Variants in FAT1 observed in about 807,000 individuals in gnomAD.
The protein encoded by FAT1 is protocadherin Fat 1.
In FAT1, 171 loss-of-function variants were observed where a neutral mutation model predicts 329.8. The observed-to-expected ratio is 0.52, with a 90% CI of 0.46 to 0.59. The LOEUF (loss-of-function observed/expected upper bound fraction) is 0.59. Ranked by LOEUF, FAT1 falls within the 20% of genes least tolerant of loss-of-function variation. FAT1 has a pLI of 0.00. For synonymous variants in FAT1, 2,233 were observed against 2,228.6 expected, an observed-to-expected ratio of 1.00 and a Z score of -0.06; for missense variants, 5,672 against 5,774.4, an observed-to-expected ratio of 0.98 and a Z score of 0.57.
At chr4:186,702,092 C>A (rs937494171) in intron 2 of FAT1, among the ~76,000 whole-genome samples, 2 of 151,944 alleles carry the variant, frequency 1.3e-5, no homozygotes, top group Non-Finnish European at 1.5e-5. Context: ...ACAGGTGACA[C>A]AGACATGAGG....
chr4:186,720,306 G>A lies in FAT1; in HGVS notation c.-19+3358C>T, dbSNP rs143180847. Among the ~76,000 whole-genome samples the A allele has an allele frequency of 9.3e-3, 1,416 of 151,852 alleles. 30 individuals carry two copies. Among genetic ancestry groups the A allele is most frequent in the African/African-American group, 0.032 (1,324 of 41,410 alleles). ...TTCTTTTTCTCTCTCCTTAACCTCT[G>A]CCTCATAAAAACAATCCTCCCTTTT... On this transcript the variant is annotated intron_variant, in intron 1 of 26. Transcript: ENST00000441802.
chr4:186,696,616 A>G (rs1744054228), intron 2 of FAT1, among the ~76,000 whole-genome samples: 1 of 152,236 alleles, frequency 6.6e-6, no homozygotes, highest in Non-Finnish European at 1.5e-5. Flanking sequence ...AAATTAATAG[A>G]AAGCTAAAAG....
intron 18 of FAT1, 105 bp downstream of exon 18, chr4:186,604,272 T>C (rs1738982892): frequency 3.1e-6 from 3 of 967,772 alleles, no homozygotes; most frequent in South Asian, 3.4e-5. Context: ...CTATGAAAGT[T>C]TGTTTTTGTA....
chr4:186,639,670 T>C lies in FAT1; in HGVS notation c.3642+52A>G, dbSNP rs569221016. ...ATGGGAACAAGATTGTTCTTTCCCA[T>C]GATACTTGTAACTACGAATCTTTAA... is the stretch of plus-strand genomic sequence containing the variant. On this transcript the variant is annotated intron_variant, in intron 4 of 26. Transcript: ENST00000441802. The C allele has an allele frequency of 3.1e-5, 38 of 1,215,596 alleles. No homozygotes were observed. In the African/African-American group the frequency reaches 3.8e-4, roughly 12 times the overall value. 75.3% of individuals were successfully genotyped at this position (1,215,596 alleles called of 1,614,324 possible). A position where few individuals can be genotyped will look rare whatever the true frequency, so the allele number is the denominator to read the frequency against.
intron 2 of FAT1, among the ~76,000 whole-genome samples, chr4:186,667,541 T>C (rs2375889): frequency 0.2 from 31,156 of 152,128 alleles, 3,779 homozygotes; most frequent in East Asian, 0.57. Context: ...TTTTAATTAT[T>C]ACCTCTTTGT....
chr4:186,692,105 A>C (rs1001845662), intron 2 of FAT1, among the ~76,000 whole-genome samples: 2 of 152,178 alleles, frequency 1.3e-5, no homozygotes, highest in African/African-American at 4.8e-5. Context: ...ATCCACTCCC[A>C]AAATTTCCAA....
At chr4:186,694,917 G>C (rs188013648) in intron 2 of FAT1, among the ~76,000 whole-genome samples, 6 of 152,284 alleles carry the variant, frequency 3.9e-5, no homozygotes, top group Admixed American at 3.9e-4. Flanking sequence ...AGCCAAGATC[G>C]TGCCACTGCA....
Position 186,707,857 on chromosome 4 carries a change from T to C in FAT1, c.1971A>G (p.Leu657=). The change falls in exon 2 of 27, where the codon TTA becomes TTG. Residue 657 remains leucine, a synonymous_variant. Transcript: ENST00000441802. ...ATDGENFATP[L]YINITVAASH... is the part of the protein sequence containing the mutation. Reference sequence around the variant, plus strand: ...TGGCAGCCACTGTTATGTTGATATATAATGGTGTGGCAAAATTTTCTCCAT... The same window carrying C: ...TGGCAGCCACTGTTATGTTGATATACAATGGTGTGGCAAAATTTTCTCCAT... The C allele has an allele frequency of 6.2e-7, 1 of 1,613,908 alleles. No individual in the cohort carries two copies. Among genetic ancestry groups the C allele is most frequent in the Non-Finnish European group, 8.5e-7 (1 of 1,179,902 alleles).
chr4:186,619,341 A>G lies in FAT1; in HGVS notation c.7245T>C (p.Tyr2415=). Residue 2415 remains tyrosine, a synonymous_variant, in exon 10 of 27, where the codon TAT becomes TAC. Transcript: ENST00000441802. ...TGTCTATGTCTGAACTGTCTGCATCATAGGCTTTTACACAGGTCACGAAAT... is the reference window on the plus strand; with the variant it reads ...TGTCTATGTCTGAACTGTCTGCATCGTAGGCTTTTACACAGGTCACGAAAT... ...HGHFVTCVKA[Y]DADSSDIDKL... is the part of the protein sequence containing the mutation. 4 of 1,614,066 alleles carry G rather than the reference A, an allele frequency of 2.5e-6. No individual in the cohort carries two copies. Among genetic ancestry groups the G allele is most frequent in the Non-Finnish European group, 3.4e-6 (4 of 1,179,900 alleles).
chr4:186,710,149 T>C (rs1744887522), intron 1 of FAT1, among the ~76,000 whole-genome samples: 1 of 152,200 alleles, frequency 6.6e-6, no homozygotes, highest in African/African-American at 2.4e-5. Flanking sequence ...CTGTAACAAC[T>C]AAGTTATATT....
Position 186,663,363 on chromosome 4 carries a change from G to T in FAT1, c.3516C>A (p.Asp1172Glu). The T allele has an allele frequency of 4.3e-6, 7 of 1,613,980 alleles. No homozygotes were observed. Among genetic ancestry groups the T allele is most frequent in the Non-Finnish European group, 5.9e-6 (7 of 1,179,886 alleles). The change falls in exon 3 of 27, where the codon GAC becomes GAA. Residue 1172 changes from aspartate to glutamate, a missense_variant. This residue lies in a region of FAT1 where 3,966 missense variants were observed against 3,915.2 expected (regional missense o/e 1.01). Transcript: ENST00000441802. ...EAFDPDSSSN[D>E]KLMYKITSGN... ...CACTTGTAATTTTGTACATGAGCTT[G>T]TCATTAGAGCTCGAATCTGGATCAA...
chr4:186,618,641 T>C lies in FAT1; in HGVS notation c.7945A>G (p.Asn2649Asp). The C allele has an allele frequency of 2.5e-6, 4 of 1,614,066 alleles. No individual in the cohort carries two copies. Among genetic ancestry groups the C allele is most frequent in the Non-Finnish European group, 1.7e-6 (2 of 1,179,904 alleles). Reference protein sequence around the residue: ...SESVKENLEINKLSGVITTKE... With the variant: ...SESVKENLEIDKLSGVITTKE... ...GTAGTGATTACGCCGGACAGTTTGT[T>C]AATTTCCAAATTCTCTTTTACACTT... Residue 2649 changes from asparagine (N) to aspartate (D), a missense_variant, in exon 10 of 27, where the codon AAC (asparagine) becomes GAC (aspartate). Asn to Asp is a conservative substitution (Grantham distance 23, BLOSUM62 1). This residue lies in a region of FAT1 where 3,966 missense variants were observed against 3,915.2 expected (regional missense o/e 1.01). Coordinates refer to ENST00000441802, the MANE Select transcript of FAT1 (RefSeq NM_005245.4).
chr4:186,655,397 C>A lies in FAT1; in HGVS notation c.3580+7902G>T, dbSNP rs191019322. Among the ~76,000 whole-genome samples the A allele has an allele frequency of 1.3e-3, 190 of 151,102 alleles. 1 individual carries two copies. The highest frequency in any genetic ancestry group is 4.4e-3 in the African/African-American group (182 of 41,230). On this transcript the variant is annotated intron_variant, in intron 3 of 26. Coordinates refer to ENST00000441802, the MANE Select transcript of FAT1 (RefSeq NM_005245.4). ...AGGTACATGGATATGCACATATATTCCTATAATAATGTGGCAAGTTCATCA... is the reference window on the plus strand; with the variant it reads ...AGGTACATGGATATGCACATATATTACTATAATAATGTGGCAAGTTCATCA...
At chr4:186,607,923 G>A (rs893189914) in intron 16 of FAT1, among the ~76,000 whole-genome samples, 20 of 152,114 alleles carry the variant, frequency 1.3e-4, no homozygotes, top group Non-Finnish European at 2.8e-4. Context: ...TCTACACTTA[G>A]GGTTTTCCAG....
chr4:186,659,418 T>A (rs867317650), intron 3 of FAT1, among the ~76,000 whole-genome samples: 10 of 152,368 alleles, frequency 6.6e-5, no homozygotes, highest in Middle Eastern at 3.4e-3. Context: ...CCCAAATTCA[T>A]GTTTCTAAGA....
At chr4:186,663,702 AGC>A in intron 2 of FAT1, 89 bp from the exon 3 acceptor site, 1 of 998,250 alleles carries the variant, frequency 1.0e-6, no homozygotes, top group Non-Finnish European at 1.5e-6. Flanking sequence ...GCTTACTGAG[AGC>A]TTTATATGTC....
chr4:186,679,533 C>G (rs1743114559), intron 2 of FAT1, among the ~76,000 whole-genome samples: 1 of 150,772 alleles, frequency 6.6e-6, no homozygotes, highest in African/African-American at 2.4e-5. Flanking sequence ...TATCCATAAG[C>G]AGGAAGTATC....
At position 186,619,878 on chromosome 4, in the gene FAT1, G is replaced by A. The variant is rs989037556; in HGVS notation, c.6708C>T (p.Ile2236=). The change falls in exon 10 of 27, where the codon ATC becomes ATT. Residue 2236 remains isoleucine (I), a synonymous_variant. Coordinates refer to ENST00000441802, the MANE Select transcript of FAT1 (RefSeq NM_005245.4). ...QFTINFNTGV[I]NVIAPLDFEA... is the part of the protein sequence containing the mutation. ...CAAAGTCCAGAGGAGCTATGACATT[G>A]ATAACTCCAGTATTGAAGTTAATAG... The A allele has an allele frequency of 3.7e-6, 6 of 1,614,004 alleles. No individual in the cohort carries two copies. The highest frequency in any genetic ancestry group is 4.2e-6 in the Non-Finnish European group (5 of 1,179,886).
chr4:186,619,955 C>T lies in FAT1; in HGVS notation c.6631G>A (p.Gly2211Ser). ...VVHVQANSPE[G>S]LKVFYSITDG... Reference sequence around the variant, plus strand: ...GTGATGCTGTAGAACACTTTCAGGCCTTCCGGGCTGTTAGCCTGCACGTGG... The same window carrying T: ...GTGATGCTGTAGAACACTTTCAGGCTTTCCGGGCTGTTAGCCTGCACGTGG... Residue 2211 changes from glycine to serine, a missense_variant, in exon 10 of 27, where the codon GGC (glycine) becomes AGC (serine). Transcript: ENST00000441802. 1 of 1,613,972 alleles carries T rather than the reference C, an allele frequency of 6.2e-7. No homozygotes were observed. The highest frequency in any genetic ancestry group is 8.5e-7 in the Non-Finnish European group (1 of 1,179,888).
Sources: gnomAD v4.1 joint callset for allele counts (sites outside exome capture counted in the v4.1 genomes callset) on GRCh38, gnomAD v4.1.1 for gene constraint, gnomAD v4.1.1 regional missense constraint, MANE v1.5 for transcripts, NCBI Gene and HGNC (gene_info 2026-07-23, HGNC 2026-07-21) for gene names.